ADGRB3: variants seen among roughly 807,000 people sequenced by gnomAD.
ADGRB3 encodes the protein brain-specific angiogenesis inhibitor 3.
ADGRB3 carries 37 observed loss-of-function variants against 193.4 expected under a neutral mutation model. The observed-to-expected ratio is 0.19, with a 90% CI of 0.15 to 0.25. The LOEUF (loss-of-function observed/expected upper bound fraction) is 0.25, where lower values mean the gene tolerates loss of function less well. ADGRB3 is among the 10% of genes least tolerant of loss of function. The pLI, the probability that ADGRB3 is intolerant of heterozygous loss-of-function variation, is 1.00. For synonymous variants in ADGRB3, 690 were observed against 644.2 expected (o/e 1.07, Z -1.08); for missense variants, 1,637 against 1,852.9 (o/e 0.88, Z 2.14).
intron 15 of ADGRB3, among the ~76,000 whole-genome samples, chr6:69,062,158 C>A (rs907857451): frequency 6.6e-6 from 1 of 151,766 alleles, no homozygotes; most frequent in African/African-American, 2.4e-5. Flanking sequence ...ATCTTTAAAT[C>A]TCTAAATACT....
At chr6:69,088,017 G>A (rs1165637095) in intron 17 of ADGRB3, among the ~76,000 whole-genome samples, 1 of 152,162 alleles carries the variant, frequency 6.6e-6, no homozygotes, top group African/African-American at 2.4e-5. Context: ...TTTCAGGCAT[G>A]CAAAACTGAA....
At chr6:68,801,820 G>A (rs74991225) in intron 3 of ADGRB3, among the ~76,000 whole-genome samples, 14,168 of 152,130 alleles carry the variant, frequency 0.093, 865 homozygotes, top group Middle Eastern at 0.26. Flanking sequence ...AAGGCTACTC[G>A]TCTCCAGTAT....
intron 26 of ADGRB3, among the ~76,000 whole-genome samples, chr6:69,345,463 A>C (rs941303066): frequency 2.0e-5 from 3 of 152,190 alleles, no homozygotes; most frequent in Admixed American, 6.5e-5. Flanking sequence ...AAATCAATAA[A>C]TGTAATCCAT....
At chr6:69,189,913 T>A (rs570040589) in intron 17 of ADGRB3, among the ~76,000 whole-genome samples, 1 of 152,276 alleles carries the variant, frequency 6.6e-6, no homozygotes, top group East Asian at 1.9e-4. Flanking sequence ...AATATTATAA[T>A]AGAGCTAAAA....
At chr6:69,052,128 T>C (rs2150303471) in intron 15 of ADGRB3, among the ~76,000 whole-genome samples, 1 of 152,298 alleles carries the variant, frequency 6.6e-6, no homozygotes, top group East Asian at 1.9e-4. Context: ...GACCTCGTGA[T>C]CTGCCCGCCT....
intron 3 of ADGRB3, among the ~76,000 whole-genome samples, chr6:68,780,776 T>C (rs1766837363): frequency 1.3e-5 from 2 of 152,062 alleles, no homozygotes; most frequent in South Asian, 4.1e-4. Context: ...TCACCCAGTT[T>C]CCCCCAATGG....
chr6:68,812,127 T>C (rs1562039791), intron 3 of ADGRB3, among the ~76,000 whole-genome samples: 1 of 152,166 alleles, frequency 6.6e-6, no homozygotes, highest in Non-Finnish European at 1.5e-5. Flanking sequence ...AATGTGTTCT[T>C]AGGAGACACT....
At chr6:69,234,876 GA>G (rs762130719) in intron 18 of ADGRB3, among the ~76,000 whole-genome samples, 155 bp from the exon 19 acceptor site, 2 of 152,080 alleles carry the variant, frequency 1.3e-5, no homozygotes, top group African/African-American at 2.4e-5. Context: ...TAGAGGTTGA[GA>G]ATGCAAGAAC....
intron 17 of ADGRB3, among the ~76,000 whole-genome samples, chr6:69,181,119 G>A (rs368404536): frequency 6.6e-6 from 1 of 152,120 alleles, no homozygotes; most frequent in Admixed American, 6.5e-5. Flanking sequence ...TTATCAACTG[G>A]ACGCCATCAC....
intron 17 of ADGRB3, among the ~76,000 whole-genome samples, chr6:69,154,623 C>A (rs963539630): frequency 2.0e-5 from 3 of 152,186 alleles, no homozygotes; most frequent in Non-Finnish European, 4.4e-5. Context: ...TTTCCCAGAG[C>A]ACCCTTTACC....
At chr6:69,299,764 A>G (rs1767910142) in intron 20 of ADGRB3, among the ~76,000 whole-genome samples, 1 of 151,844 alleles carries the variant, frequency 6.6e-6, no homozygotes, top group Non-Finnish European at 1.5e-5. Context: ...TGTCAGTACT[A>G]TGATATTTTG....
intron 3 of ADGRB3, among the ~76,000 whole-genome samples, chr6:68,662,353 A>G (rs1350382832): frequency 6.6e-6 from 1 of 151,578 alleles, no homozygotes; most frequent in Non-Finnish European, 1.5e-5. Context: ...ATCAATAAGA[A>G]AAATAATCTA....
intron 17 of ADGRB3, among the ~76,000 whole-genome samples, chr6:69,160,404 T>C (rs1427649891): frequency 6.6e-6 from 1 of 152,210 alleles, no homozygotes; most frequent in East Asian, 1.9e-4. Flanking sequence ...AGGCACTCTC[T>C]CATCTCAGGA....
chr6:68,961,456 A>G (rs1232070528), intron 8 of ADGRB3, among the ~76,000 whole-genome samples: 1 of 152,134 alleles, frequency 6.6e-6, no homozygotes, highest in Non-Finnish European at 1.5e-5. Flanking sequence ...TACACTTATA[A>G]AATACTTGGT....
chr6:68,968,711 T>G (rs552334221), intron 8 of ADGRB3, among the ~76,000 whole-genome samples: 2 of 152,326 alleles, frequency 1.3e-5, no homozygotes, highest in East Asian at 3.9e-4. Flanking sequence ...AGTCGTTGTA[T>G]CTAGAATTCA....
At chr6:69,041,686 C>A (rs573373899) in intron 13 of ADGRB3, among the ~76,000 whole-genome samples, 1 of 151,898 alleles carries the variant, frequency 6.6e-6, no homozygotes, top group Non-Finnish European at 1.5e-5. Flanking sequence ...ATCACAGCAG[C>A]CTTGACCTCC....
intron 3 of ADGRB3, among the ~76,000 whole-genome samples, chr6:68,841,193 T>C (rs1768152884): frequency 6.6e-6 from 1 of 152,160 alleles, no homozygotes; most frequent in African/African-American, 2.4e-5. Flanking sequence ...GGACAGGTCA[T>C]CCAGTCAGGA....
intron 3 of ADGRB3, among the ~76,000 whole-genome samples, chr6:68,816,206 T>A (rs1055801667): frequency 6.6e-6 from 1 of 152,188 alleles, no homozygotes; most frequent in Non-Finnish European, 1.5e-5. Flanking sequence ...CTGATCCGTA[T>A]ATGAGATACA....
intron 20 of ADGRB3, among the ~76,000 whole-genome samples, chr6:69,306,786 T>C (rs1013128658): frequency 2.0e-5 from 3 of 151,426 alleles, no homozygotes; most frequent in African/African-American, 7.3e-5. Context: ...TTTAAAAAAC[T>C]GTGATAATAC....
Sources: gnomAD v4.1 joint callset for allele counts (sites outside exome capture counted in the v4.1 genomes callset) on GRCh38, gnomAD v4.1.1 for gene constraint, MANE v1.5 for transcripts, NCBI Gene and HGNC (gene_info 2026-07-23, HGNC 2026-07-21) for gene names.